COL21A1: variants seen among roughly 807,000 people sequenced by gnomAD.
COL21A1 encodes the protein collagen type XXI alpha 1 chain.
COL21A1 carries 149 observed loss-of-function variants against 137.9 expected under a neutral mutation model. The observed-to-expected ratio is 1.08, with a 90% CI of 0.95 to 1.24. The LOEUF (loss-of-function observed/expected upper bound fraction) is 1.24, where lower values mean the gene tolerates loss of function less well. COL21A1 is among the 50% of genes most tolerant of loss of function. The pLI, the probability that COL21A1 is intolerant of heterozygous loss-of-function variation, is 0.00. For synonymous variants in COL21A1, 456 were observed against 391.5 expected (o/e 1.16, Z -1.95); for missense variants, 1,167 against 1,158.4 (o/e 1.01, Z -0.11).
intron 17 of COL21A1, among the ~76,000 whole-genome samples, chr6:56,089,580 C>T (rs1186854212): frequency 6.6e-6 from 1 of 152,034 alleles, no homozygotes; most frequent in Admixed American, 6.6e-5. Context: ...AAATTCAAAT[C>T]CATATTGTTA....
intron 10 of COL21A1, among the ~76,000 whole-genome samples, chr6:56,153,680 C>T (rs76222901): frequency 0.03 from 4,618 of 152,190 alleles, 172 homozygotes; most frequent in African/African-American, 0.084. Context: ...TCAAATACTC[C>T]TGTGTAGCAA....
chr6:56,159,569 GATCCAT>G (rs1582516217), intron 9 of COL21A1, among the ~76,000 whole-genome samples: 1 of 150,804 alleles, frequency 6.6e-6, no homozygotes, highest in Non-Finnish European at 1.5e-5. Flanking sequence ...CTGACCTCAT[GATCCAT>G]CCACCTCTGC....
intron 25 of COL21A1, 147 bp downstream of exon 25, chr6:56,061,502 C>T (rs1005480748): frequency 1.9e-6 from 1 of 517,750 alleles, no homozygotes; most frequent in Non-Finnish European, 3.5e-6. Context: ...ATTCTGAAAA[C>T]AATTAATTGG....
At chr6:56,307,354 G>C (rs570855918) in intron 1 of COL21A1, among the ~76,000 whole-genome samples, 1 of 152,238 alleles carries the variant, frequency 6.6e-6, no homozygotes, top group South Asian at 2.1e-4. Flanking sequence ...GCCTCCTTAA[G>C]CTGCAGTGGG....
intron 1 of COL21A1, among the ~76,000 whole-genome samples, chr6:56,193,679 A>C (rs746860672): frequency 6.6e-6 from 1 of 152,172 alleles, no homozygotes; most frequent in African/African-American, 2.4e-5. Context: ...ATGAAAAAAA[A>C]CTAGTCCATT....
upstream of COL21A1, among the ~76,000 whole-genome samples, chr6:56,249,489 T>C (rs914324424): frequency 6.6e-6 from 1 of 152,082 alleles, no homozygotes; most frequent in Admixed American, 6.6e-5. Flanking sequence ...GATGAATGGA[T>C]AAGAAAAGTG....
chr6:56,190,751 C>G (rs1192918410), intron 1 of COL21A1, among the ~76,000 whole-genome samples: 1 of 152,134 alleles, frequency 6.6e-6, no homozygotes, highest in African/African-American at 2.4e-5. Flanking sequence ...ACAATCAAAT[C>G]AGGTTCATCC....
intron 1 of COL21A1, among the ~76,000 whole-genome samples, chr6:56,284,140 TG>T (rs1763849714): frequency 6.6e-6 from 1 of 152,134 alleles, no homozygotes; most frequent in South Asian, 2.1e-4. Flanking sequence ...CTCCACCTCC[TG>T]GGTTCAAGGG....
At chr6:56,339,345 C>T (rs796795157) in intron 1 of COL21A1, among the ~76,000 whole-genome samples, 7 of 143,676 alleles carry the variant, frequency 4.9e-5, no homozygotes, top group South Asian at 2.4e-4. Flanking sequence ...TTTATTACTG[C>T]GTTTAATAAA....
chr6:56,302,198 T>A (rs1217318605), intron 1 of COL21A1, among the ~76,000 whole-genome samples: 3 of 151,904 alleles, frequency 2.0e-5, no homozygotes, highest in African/African-American at 4.8e-5. Context: ...TATGTCTGCA[T>A]GTGTCTTTAT....
In COL21A1 at chr6:56,060,797, T is replaced by C. The variant is rs112846193; in HGVS notation, c.2353-2A>G. On this transcript the variant is annotated splice_acceptor_variant, in intron 26 of 29. Coordinates refer to ENST00000244728, the MANE Select transcript of COL21A1 (RefSeq NM_030820.4). LOFTEE classifies it high-confidence loss of function. ...AAATTGTTCTGAAAACTCTCTTCCC[T>C]GCATCAAAGTGTTAGGGGTTATAAC... 6.2e-7 allele frequency: 1 copy of C among 1,608,540 alleles called. No homozygotes were observed. Among genetic ancestry groups the C allele is most frequent in the African/African-American group, 1.3e-5 (1 of 74,582 alleles).
chr6:56,113,931 T>G lies in COL21A1; in HGVS notation c.1758+10131A>C, dbSNP rs369142774. 3.7e-4 allele frequency among the ~76,000 whole-genome samples: 57 copies of G among 152,266 alleles called. No homozygotes were observed. The South Asian group carries it at 0.012, about 32-fold the overall frequency. Reference sequence around the variant, plus strand: ...AACGTCAGTGGTCATCTGGCAGTACTCCTCATGGCTAGGGGTGGTGGTGGA... The same window carrying G: ...AACGTCAGTGGTCATCTGGCAGTACGCCTCATGGCTAGGGGTGGTGGTGGA... On this transcript the variant is annotated intron_variant, in intron 16 of 29. Coordinates refer to ENST00000244728, the MANE Select transcript of COL21A1 (RefSeq NM_030820.4).
intron 24 of COL21A1, among the ~76,000 whole-genome samples, chr6:56,062,745 A>T (rs961750271): frequency 2.8e-4 from 43 of 152,164 alleles, no homozygotes; most frequent in Middle Eastern, 3.2e-3. Context: ...AAGTAAAACA[A>T]ACTTTGTATG....
At chr6:56,188,427 A>G in intron 1 of COL21A1, among the ~76,000 whole-genome samples, 1 of 152,250 alleles carries the variant, frequency 6.6e-6, no homozygotes, top group East Asian at 1.9e-4. Context: ...TATTCATACA[A>G]TGAAATACTA....
exon 1 of COL21A1, chr6:56,394,073 T>C (rs575723457): frequency 3.9e-5 from 6 of 152,384 alleles, no homozygotes; most frequent in African/African-American, 1.4e-4. Context: ...TGAGTGGGTA[T>C]GAACTCCCTT....
At chr6:56,156,487 G>A (rs1775751480) in intron 10 of COL21A1, among the ~76,000 whole-genome samples, 1 of 152,118 alleles carries the variant, frequency 6.6e-6, no homozygotes, top group Non-Finnish European at 1.5e-5. Flanking sequence ...GGACCTGAGA[G>A]CCACCCCTTT....
intron 1 of COL21A1, among the ~76,000 whole-genome samples, chr6:56,340,469 C>T (rs960164009): frequency 2.0e-5 from 3 of 152,128 alleles, no homozygotes; most frequent in African/African-American, 7.2e-5. Context: ...TGGGGAAGGA[C>T]AGCAGCTTTT....
At chr6:56,278,429 T>A (rs1198534302) in intron 1 of COL21A1, among the ~76,000 whole-genome samples, 2 of 152,142 alleles carry the variant, frequency 1.3e-5, no homozygotes, top group African/African-American at 4.8e-5. Flanking sequence ...CTTCATTCTT[T>A]GTCCTCTCAT....
intron 16 of COL21A1, among the ~76,000 whole-genome samples, chr6:56,117,989 A>T (rs1021635130): frequency 6.6e-6 from 1 of 151,950 alleles, no homozygotes. Flanking sequence ...AGAGAAAAAA[A>T]CTTCAAATAA....
Sources: allele counts gnomAD v4.1 joint callset (sites outside exome capture counted in the v4.1 genomes callset), GRCh38; gene constraint gnomAD v4.1.1; transcripts MANE v1.5; gene names NCBI Gene and HGNC (gene_info 2026-07-23, HGNC 2026-07-21).